The following KCNJ6 variants were observed in gnomAD, a reference collection of about 807,000 sequenced individuals.
The protein encoded by KCNJ6 is potassium inwardly rectifying channel subfamily J member 6.
KCNJ6 carries 9 observed loss-of-function variants against 34.2 expected under a neutral mutation model. The ratio of observed to expected loss-of-function variants is 0.26; its 90% CI spans 0.16 to 0.46. The LOEUF (loss-of-function observed/expected upper bound fraction) is 0.46, where lower values mean the gene tolerates loss of function less well. KCNJ6 is among the 20% of genes least tolerant of loss of function. The probability of loss-of-function intolerance (pLI) is 1.00; values close to 1 mark genes in which losing one functional copy is unlikely to be tolerated. For missense variants in KCNJ6, 236 were observed against 531.3 expected (o/e 0.44, Z 5.46); for synonymous variants, 196 against 207.1 (o/e 0.95, Z 0.46).
intron 3 of KCNJ6, among the ~76,000 whole-genome samples, chr21:37,648,292 G>C (rs2054415082): frequency 6.6e-6 from 1 of 152,216 alleles, no homozygotes; most frequent in Non-Finnish European, 1.5e-5. Flanking sequence ...AGGAAGTCTT[G>C]CAAGTAGCTG....
intron 2 of KCNJ6, among the ~76,000 whole-genome samples, chr21:37,814,289 C>A (rs959690122): frequency 6.6e-6 from 1 of 151,970 alleles, no homozygotes; most frequent in Non-Finnish European, 1.5e-5. Flanking sequence ...AAAAGACAGG[C>A]GAGGATGTGA....
intron 2 of KCNJ6, among the ~76,000 whole-genome samples, chr21:37,733,591 A>T (rs929512917): frequency 6.6e-6 from 1 of 152,176 alleles, no homozygotes; most frequent in Non-Finnish European, 1.5e-5. Context: ...TACCCTGAAA[A>T]ATATTCACTT....
chr21:37,701,692 A>C (rs1223968626), intron 3 of KCNJ6, among the ~76,000 whole-genome samples: 3 of 152,172 alleles, frequency 2.0e-5, no homozygotes, highest in Non-Finnish European at 4.4e-5. Flanking sequence ...TATGACGCAC[A>C]GTGGTCAGGG....
chr21:37,903,277 C>T (rs1472616673), intron 1 of KCNJ6, among the ~76,000 whole-genome samples: 1 of 152,132 alleles, frequency 6.6e-6, no homozygotes, highest in East Asian at 1.9e-4. Flanking sequence ...GTGAATAAGT[C>T]TCATGAGATC....
At chr21:37,712,619 C>G (rs2054763545) in intron 3 of KCNJ6, among the ~76,000 whole-genome samples, 1 of 101,540 alleles carries the variant, frequency 9.8e-6, no homozygotes, top group East Asian at 2.7e-4. Context: ...CCTCCTCTCT[C>G]CCTCCTCTTC....
chr21:37,675,682 G>A lies in KCNJ6; in HGVS notation c.946+38529C>T, dbSNP rs2123412595. ...CGGACTCCGCAGGTAGTCACTAGGG[G>A]CTTTCGCTGCTCCTGGAAGCAATTT... On this transcript the variant is annotated intron_variant, in intron 3 of 3. Transcript: ENST00000609713. The surrounding 1 kb of genome is among the most constrained non-coding windows in gnomAD (Gnocchi z 4.2). Among the ~76,000 whole-genome samples, 1 of 152,372 alleles carries A rather than the reference G, an allele frequency of 6.6e-6. No individual in the cohort carries two copies. The highest frequency in any genetic ancestry group is 1.5e-5 in the Non-Finnish European group (1 of 68,038).
rs2054231348 is a variant in KCNJ6 at position 37,608,328 on chromosome 21, CTCTT to C, written c.*16827_*16830del. 1 of 152,224 alleles carries C rather than the reference CTCTT, an allele frequency of 6.6e-6. No homozygotes were observed. The allele number at this position is 152,224 out of a possible 1,614,324, so 9.4% of individuals were successfully genotyped here. A position where few individuals can be genotyped will look rare whatever the true frequency, so the allele number is the denominator to read the frequency against. On this transcript the variant is annotated 3_prime_UTR_variant, in exon 4 of 4. Coordinates refer to ENST00000609713, the MANE Select transcript of KCNJ6 (RefSeq NM_002240.5). ...TGCCTTTGCTTTTGGATCTCTCTCT[CTCTT>C]TTTAAAATAGAGATGGGGTCTTGCT...
intron 1 of KCNJ6, among the ~76,000 whole-genome samples, chr21:37,853,498 G>T (rs1382584070): frequency 6.6e-6 from 1 of 152,002 alleles, no homozygotes; most frequent in Non-Finnish European, 1.5e-5. Context: ...AAAACAAAGA[G>T]AATTTGTCAC....
intron 2 of KCNJ6, among the ~76,000 whole-genome samples, chr21:37,748,194 C>G (rs1232228324): frequency 1.3e-5 from 2 of 152,188 alleles, no homozygotes; most frequent in Admixed American, 1.3e-4. Flanking sequence ...ACTTCCAACC[C>G]TGGACAGCAG....
At chr21:37,842,553 G>A (rs1021431651) in intron 1 of KCNJ6, among the ~76,000 whole-genome samples, 4 of 152,212 alleles carry the variant, frequency 2.6e-5, no homozygotes, top group African/African-American at 9.7e-5. Flanking sequence ...TTGCCCTTGA[G>A]AACAGAAGGA....
rs558780572 is a variant in KCNJ6 at position 37,854,175 on chromosome 21, A to G, written c.-27-13466T>C. 1.2e-4 allele frequency among the ~76,000 whole-genome samples: 19 copies of G among 152,088 alleles called. No individual in the cohort carries two copies. In the South Asian group the frequency reaches 3.3e-3, roughly 27 times the overall value. ...GTGTATAAAAAGCAACTCCAACTAC[A>G]TATCATTAAAAAAAACTCACTTCAA... On this transcript the variant is annotated intron_variant, in intron 1 of 3. Coordinates refer to ENST00000609713, the MANE Select transcript of KCNJ6 (RefSeq NM_002240.5).
chr21:37,879,991 G>A (rs901829272), intron 1 of KCNJ6, among the ~76,000 whole-genome samples: 25 of 151,902 alleles, frequency 1.6e-4, no homozygotes, highest in Non-Finnish European at 4.4e-5. Flanking sequence ...TGGGCATGGT[G>A]GCTCACACTG....
chr21:37,655,999 G>C (rs930250609), intron 3 of KCNJ6, among the ~76,000 whole-genome samples: 1 of 152,126 alleles, frequency 6.6e-6, no homozygotes, highest in Non-Finnish European at 1.5e-5. Flanking sequence ...CATGGCCCAT[G>C]GGGGGGCCTT....
In KCNJ6 at chr21:37,731,212, T is replaced by C. The variant is rs924486572; in HGVS notation, c.26-16081A>G. 5.7e-4 allele frequency among the ~76,000 whole-genome samples: 87 copies of C among 152,048 alleles called. 5 individuals carry two copies. ...TCACTCCTGTGTTAATAGAGTAAAT[T>C]ACCCCAGTGGAGCAGAAGAAGTGGA... On this transcript the variant is annotated intron_variant, in intron 2 of 3. Coordinates refer to ENST00000609713, the MANE Select transcript of KCNJ6 (RefSeq NM_002240.5).
intron 2 of KCNJ6, among the ~76,000 whole-genome samples, chr21:37,801,777 T>A (rs1008692342): frequency 2.6e-5 from 4 of 152,094 alleles, no homozygotes; most frequent in Non-Finnish European, 4.4e-5. Flanking sequence ...TGTGGACCCC[T>A]TTCCCGACTC....
chr21:37,671,841 T>G (rs552729732), intron 3 of KCNJ6, among the ~76,000 whole-genome samples: 126 of 152,280 alleles, frequency 8.3e-4, no homozygotes, highest in African/African-American at 3.0e-3. Context: ...TAGTACGAGA[T>G]GCGGAGTTTG....
chr21:37,688,356 C>T lies in KCNJ6; in HGVS notation c.946+25855G>A, dbSNP rs955642061. Among the ~76,000 whole-genome samples the T allele has an allele frequency of 5.6e-5, 8 of 143,650 alleles. 1 individual carries two copies. The highest frequency in any genetic ancestry group is 2.0e-4 in the East Asian group (1 of 4,998). 94.2% of individuals were successfully genotyped at this position (143,650 alleles called of 152,430 possible). A position where few individuals can be genotyped will look rare whatever the true frequency, so the allele number is the denominator to read the frequency against. ...ACCTCTTGAGTACTAGAGATACACCCGTATTTTAAAAGCATTTTTTTTTTA... is the reference window on the plus strand; with the variant it reads ...ACCTCTTGAGTACTAGAGATACACCTGTATTTTAAAAGCATTTTTTTTTTA... On this transcript the variant is annotated intron_variant, in intron 3 of 3. Transcript: ENST00000609713.
intron 2 of KCNJ6, among the ~76,000 whole-genome samples, chr21:37,753,702 C>T (rs559493830): frequency 6.6e-6 from 1 of 152,292 alleles, no homozygotes; most frequent in South Asian, 2.1e-4. Flanking sequence ...TTTGTTAGTG[C>T]CTGTTACCTG....
intron 3 of KCNJ6, among the ~76,000 whole-genome samples, chr21:37,650,192 T>A (rs1042004962): frequency 6.6e-6 from 1 of 152,192 alleles, no homozygotes; most frequent in African/African-American, 2.4e-5. Context: ...AGGTTTAGCG[T>A]CTGGCGCCAG....
Sources: gnomAD v4.1 joint callset for allele counts (sites outside exome capture counted in the v4.1 genomes callset) on GRCh38, gnomAD v4.1.1 for gene constraint, Gnocchi (gnomAD v3.1) non-coding constraint, MANE v1.5 for transcripts, NCBI Gene and HGNC (gene_info 2026-07-23, HGNC 2026-07-21) for gene names.